Variants in CASC3 observed in about 807,000 individuals in gnomAD.
The protein encoded by CASC3 is CASC3 exon junction complex subunit, also known as protein CASC3.
CASC3 carries 30 observed loss-of-function variants against 80.5 expected under a neutral mutation model. The ratio of observed to expected loss-of-function variants is 0.37; its 90% CI spans 0.28 to 0.51. CASC3 has a LOEUF of 0.51. Ranked by LOEUF, CASC3 falls within the 20% of genes least tolerant of loss-of-function variation. The probability of loss-of-function intolerance (pLI) is 0.94; values close to 1 mark genes in which losing one functional copy is unlikely to be tolerated. For missense variants in CASC3, 824 were observed against 922.2 expected (o/e 0.89, Z 1.38); for synonymous variants, 312 against 333.6 (o/e 0.94, Z 0.70).
At chr17:40,164,791 T>C (rs1344915698) in intron 7 of CASC3, among the ~76,000 whole-genome samples, 1 of 136,560 alleles carries the variant, frequency 7.3e-6, no homozygotes, top group South Asian at 2.4e-4. Flanking sequence ...AGACTTGCTC[T>C]GTTGCCCAGG....
chr17:40,153,170 G>T (rs989993441), intron 3 of CASC3, among the ~76,000 whole-genome samples: 3 of 151,978 alleles, frequency 2.0e-5, no homozygotes, highest in Non-Finnish European at 2.9e-5. Flanking sequence ...TCTCATTTTC[G>T]CTACCCTTAA....
intron 3 of CASC3, 85 bp from the exon 4 acceptor site, chr17:40,161,668 T>G: frequency 1.7e-6 from 2 of 1,191,550 alleles, no homozygotes; most frequent in Non-Finnish European, 2.4e-6. Context: ...GACAGAGACT[T>G]TGTTTTGGGG....
chr17:40,169,195 T>G, intron 11 of CASC3, 129 bp from the exon 12 acceptor site: 1 of 946,680 alleles, frequency 1.1e-6, no homozygotes, highest in East Asian at 2.9e-5. Flanking sequence ...TTTTGAAGGG[T>G]GGGCAGATTA....
At chr17:40,160,384 A>G (rs1040971797) in intron 3 of CASC3, among the ~76,000 whole-genome samples, 6 of 152,158 alleles carry the variant, frequency 3.9e-5, no homozygotes, top group African/African-American at 7.2e-5. Context: ...AGTCGCAGCT[A>G]CTTGGGAGGC....
At chr17:40,165,459 G>A (rs1262343352) in intron 7 of CASC3, among the ~76,000 whole-genome samples, 2 of 151,934 alleles carry the variant, frequency 1.3e-5, no homozygotes, top group Non-Finnish European at 2.9e-5. Flanking sequence ...CTCCTAAAGC[G>A]CTGGGATTAC....
At position 40,164,053 on chromosome 17, in the gene CASC3, C is replaced by G; in HGVS notation, c.1358C>G (p.Ala453Gly). 6.2e-7 allele frequency: 1 copy of G among 1,613,964 alleles called. No individual in the cohort carries two copies. Among genetic ancestry groups the G allele is most frequent in the Non-Finnish European group, 8.5e-7 (1 of 1,180,028 alleles). The change falls in exon 7 of 14, where the codon GCT becomes GGT. Residue 453 changes from alanine to glycine, a missense_variant. Physicochemically the swap from Ala to Gly is moderately conservative, Grantham distance 60. This residue lies in a region of CASC3 where 464 missense variants were observed against 506.0 expected (regional missense o/e 0.92). Transcript: ENST00000264645. ...CCTACTAAGACTGGGACCTGGGAAGCTCCGGTGGATTCTAGTACAAGTGGA... is the reference window on the plus strand; with the variant it reads ...CCTACTAAGACTGGGACCTGGGAAGGTCCGGTGGATTCTAGTACAAGTGGA... ...TPPTKTGTWE[A>G]PVDSSTSGLE...
chr17:40,166,885 TG>T, intron 8 of CASC3, 24 bp downstream of exon 8: 1 of 1,571,058 alleles, frequency 6.4e-7, no homozygotes, highest in Non-Finnish European at 8.7e-7. Flanking sequence ...AAGGGGTAGA[TG>T]GGGGAGGGAG....
chr17:40,171,071 G>A lies in CASC3; in HGVS notation c.*666G>A, dbSNP rs1393833177. 1 of 985,552 alleles carries A rather than the reference G, an allele frequency of 1.0e-6. No individual in the cohort carries two copies. The highest frequency in any genetic ancestry group is 1.2e-6 in the Non-Finnish European group (1 of 829,952). 61.1% of individuals were successfully genotyped at this position (985,552 alleles called of 1,614,324 possible). ...TGTATTCCCTTAACTCTAACCCTGT[G>A]GAAGCATGGCTGTCTGCACAGAGGG... On this transcript the variant is annotated 3_prime_UTR_variant, in exon 14 of 14. Coordinates refer to ENST00000264645, the MANE Select transcript of CASC3 (RefSeq NM_007359.5).
intron 3 of CASC3, among the ~76,000 whole-genome samples, chr17:40,146,274 G>C (rs1988857878): frequency 6.6e-6 from 1 of 152,028 alleles, no homozygotes; most frequent in Non-Finnish European, 1.5e-5. Context: ...GTTTTGGGAT[G>C]GGGAATATTT....
At chr17:40,149,335 G>A (rs1201880613) in intron 3 of CASC3, among the ~76,000 whole-genome samples, 1 of 147,102 alleles carries the variant, frequency 6.8e-6, no homozygotes, top group Non-Finnish European at 1.5e-5. Context: ...TGCCCAAGCT[G>A]AGCTTGAACT....
At chr17:40,143,074 G>C (rs1385306709) in intron 3 of CASC3, among the ~76,000 whole-genome samples, 2 of 148,152 alleles carry the variant, frequency 1.3e-5, no homozygotes, top group Non-Finnish European at 1.5e-5. Context: ...GTGACAGAGT[G>C]AGACTCTGTC....
At chr17:40,156,143 T>C (rs1045868921) in intron 3 of CASC3, among the ~76,000 whole-genome samples, 3 of 152,166 alleles carry the variant, frequency 2.0e-5, no homozygotes, top group Non-Finnish European at 2.9e-5. Flanking sequence ...GTTATTGTAA[T>C]TTCTGCTTGA....
rs1455755418 is a variant in CASC3 at position 40,142,533 on chromosome 17, AG to A, written c.297+928del. On this transcript the variant is annotated intron_variant, in intron 3 of 13. Coordinates refer to ENST00000264645, the MANE Select transcript of CASC3 (RefSeq NM_007359.5). ...ACGCCTGTAATCCCAGCACTTTGGA[AG>A]GCTGAGGCAGACGGATCACTTGAGG... 3.9e-5 allele frequency among the ~76,000 whole-genome samples: 6 copies of A among 152,202 alleles called. No homozygotes were observed. In the East Asian group the frequency reaches 1.2e-3, roughly 29 times the overall value.
In CASC3 at chr17:40,141,636, A is replaced by G. The variant is rs756013215; in HGVS notation, c.297+29A>G. 29 of 1,584,286 alleles carry G rather than the reference A, an allele frequency of 1.8e-5. 1 individual carries two copies. The South Asian group carries it at 2.9e-4, about 16-fold the overall frequency. On this transcript the variant is annotated intron_variant, in intron 3 of 13. Coordinates refer to ENST00000264645, the MANE Select transcript of CASC3 (RefSeq NM_007359.5). ...AGTATGACAGGTTTTTTCCTATGGTATAGATCAGAAATGCTTTTTAAAAAC... is the reference window on the plus strand; with the variant it reads ...AGTATGACAGGTTTTTTCCTATGGTGTAGATCAGAAATGCTTTTTAAAAAC...
intron 3 of CASC3, among the ~76,000 whole-genome samples, chr17:40,160,999 C>T (rs959840317): frequency 2.0e-5 from 3 of 150,636 alleles, no homozygotes; most frequent in Admixed American, 1.3e-4. Context: ...CTATTTTTTG[C>T]GACAGAGCCT....
rs781766092 is a variant in CASC3, at chr17:40,163,980, G to A, written c.1285G>A (p.Glu429Lys). 11 of 1,614,100 alleles carry A rather than the reference G, an allele frequency of 6.8e-6. No individual in the cohort carries two copies. The highest frequency in any genetic ancestry group is 3.3e-5 in the Admixed American group (2 of 60,000). The stretch of plus-strand genomic sequence containing the variant: ...TGCAGAGGAGGTGCCCCCTCCTCCT[G>A]AAGGACTGATTCCAGCACCTCCAGT... ...KLAEEVPPPP[E>K]GLIPAPPVPE... The change falls in exon 7 of 14, where the codon GAA becomes AAA. Residue 429 changes from glutamate (E) to lysine (K), a missense_variant. Glu to Lys is a moderately conservative substitution (Grantham distance 56, BLOSUM62 1). Transcript: ENST00000264645.
intron 3 of CASC3, among the ~76,000 whole-genome samples, chr17:40,159,257 C>G (rs1433888407): frequency 6.6e-6 from 1 of 152,068 alleles, no homozygotes; most frequent in East Asian, 1.9e-4. Flanking sequence ...TGCATGTCTA[C>G]TCATTCAGTT....
At position 40,163,406 on chromosome 17, in the gene CASC3, A is replaced by G. The variant is rs1989357112; in HGVS notation, c.786-75A>G. On this transcript the variant is annotated intron_variant, in intron 6 of 13. Coordinates refer to ENST00000264645, the MANE Select transcript of CASC3 (RefSeq NM_007359.5). ...CGTCTCGATCTCCCAAAGTGCTGGGATTACAGGCCTGAGCCACCGCGCGTA... is the reference window on the plus strand; with the variant it reads ...CGTCTCGATCTCCCAAAGTGCTGGGGTTACAGGCCTGAGCCACCGCGCGTA... 6 of 1,285,678 alleles carry G rather than the reference A, an allele frequency of 4.7e-6. No homozygotes were observed. In the South Asian group the frequency reaches 5.6e-5, roughly 12 times the overall value. The allele number at this position is 1,285,678 out of a possible 1,614,324, so 79.6% of individuals were successfully genotyped here.
chr17:40,157,354 TAAATAAATA>T (rs1989175046), intron 3 of CASC3, among the ~76,000 whole-genome samples: 1 of 148,450 alleles, frequency 6.7e-6, no homozygotes, highest in African/African-American at 2.5e-5. Context: ...AATAAATAAA[TAAATAAATA>T]AATAAATTAA....
Sources: gnomAD v4.1 joint callset for allele counts (sites outside exome capture counted in the v4.1 genomes callset) on GRCh38, gnomAD v4.1.1 for gene constraint, gnomAD v4.1.1 regional missense constraint, MANE v1.5 for transcripts, NCBI Gene and HGNC (gene_info 2026-07-23, HGNC 2026-07-21) for gene names.